The following ALMS1 variants were observed in gnomAD, a reference collection of about 807,000 sequenced individuals.
ALMS1 encodes the protein centrosome-associated protein ALMS1.
A neutral mutation model predicts 352.2 loss-of-function variants in ALMS1; 271 were observed. The ratio of observed to expected loss-of-function variants is 0.77; its 90% CI spans 0.70 to 0.85. The LOEUF is 0.85. Among genes scored for constraint, ALMS1 ranks in the 40% least tolerant of loss-of-function variants. ALMS1 has a pLI of 0.00. For synonymous variants in ALMS1, 1,865 were observed against 1,761.2 expected, an observed-to-expected ratio of 1.06 and a Z score of -1.48; for missense variants, 5,445 against 4,870.7, an observed-to-expected ratio of 1.12 and a Z score of -3.51.
chr2:73,397,682 G>A (rs927304900), intron 1 of ALMS1, among the ~76,000 whole-genome samples: 2 of 152,124 alleles, frequency 1.3e-5, no homozygotes, highest in African/African-American at 2.4e-5. Flanking sequence ...ATGTTAGGCT[G>A]GTCTCGATCT....
intron 11 of ALMS1, among the ~76,000 whole-genome samples, chr2:73,532,631 C>T (rs1398496175): frequency 1.3e-5 from 2 of 151,884 alleles, no homozygotes; most frequent in African/African-American, 4.8e-5. Context: ...GGGCAATGGC[C>T]TCCCTTCTGG....
At chr2:73,560,938 C>G (rs568443326) in intron 15 of ALMS1, among the ~76,000 whole-genome samples, 48 of 152,308 alleles carry the variant, frequency 3.2e-4, no homozygotes, top group Non-Finnish European at 5.7e-4. Context: ...AGACTCACGT[C>G]CAAAGGCTGG....
At chr2:73,464,262 T>A (rs1672275570) in intron 9 of ALMS1, among the ~76,000 whole-genome samples, 1 of 152,222 alleles carries the variant, frequency 6.6e-6, no homozygotes, top group Admixed American at 6.5e-5. Flanking sequence ...CAAGTGGGCT[T>A]CATCCCTGGG....
intron 3 of ALMS1, 124 bp from the exon 4 acceptor site, chr2:73,422,733 T>C: frequency 1.2e-6 from 1 of 816,294 alleles, no homozygotes; most frequent in Admixed American, 1.9e-5. Flanking sequence ...GCTTTTATAT[T>C]ATTATTCTAA....
chr2:73,437,976 T>C (rs1671638766), intron 7 of ALMS1, among the ~76,000 whole-genome samples: 1 of 152,222 alleles, frequency 6.6e-6, no homozygotes, highest in Non-Finnish European at 1.5e-5. Flanking sequence ...CTTTTCTTGC[T>C]ACTACAAGCC....
chr2:73,598,194 A>C (rs1476825037), intron 16 of ALMS1, among the ~76,000 whole-genome samples: 1 of 152,174 alleles, frequency 6.6e-6, no homozygotes, highest in Non-Finnish European at 1.5e-5. Flanking sequence ...AGATGCTATT[A>C]AATGTTTTGG....
chr2:73,405,130 TCTCTAA>T (rs571910129), intron 1 of ALMS1, among the ~76,000 whole-genome samples: 3 of 152,028 alleles, frequency 2.0e-5, no homozygotes, highest in Admixed American at 2.0e-4. Context: ...CCCAGGCTGG[TCTCTAA>T]CTCCTGAGCT....
intron 7 of ALMS1, among the ~76,000 whole-genome samples, chr2:73,432,845 A>G (rs1277125300): frequency 7.2e-5 from 11 of 152,184 alleles, no homozygotes; most frequent in Admixed American, 5.9e-4. Context: ...CGCATTCTAC[A>G]TGGCAGTGTT....
Position 73,601,275 on chromosome 2 carries a change from A to G in ALMS1, c.11953A>G (p.Ile3985Val), listed in dbSNP as rs201728850. The change falls in exon 19 of 23, where the codon ATC (isoleucine) becomes GTC (valine). Residue 3985 changes from isoleucine (I) to valine (V), a missense_variant. Physicochemically the swap from Ile to Val is conservative, Grantham distance 29. Coordinates refer to ENST00000613296, the MANE Select transcript of ALMS1 (RefSeq NM_001378454.1). ...ENVPNTCGPG[I>V]SWFEPITKTR... ...CGTGCCTAACACTTGTGGCCCTGGCATCTCCTGGTTTGAACCAATAACCAA... is the reference window on the plus strand; with the variant it reads ...CGTGCCTAACACTTGTGGCCCTGGCGTCTCCTGGTTTGAACCAATAACCAA... The G allele has an allele frequency of 1.6e-4, 255 of 1,614,214 alleles. No individual in the cohort carries two copies. The highest frequency in any genetic ancestry group is 1.1e-3 in the Admixed American group (64 of 60,028).
chr2:73,408,408 G>T (rs1435996927), intron 1 of ALMS1, among the ~76,000 whole-genome samples: 2 of 152,192 alleles, frequency 1.3e-5, no homozygotes, highest in African/African-American at 4.8e-5. Context: ...GGTAAAGGAG[G>T]TTAAGGAACT....
intron 10 of ALMS1, among the ~76,000 whole-genome samples, chr2:73,495,485 C>T (rs945878696): frequency 1.3e-5 from 2 of 152,140 alleles, no homozygotes; most frequent in African/African-American, 4.8e-5. Context: ...ATCTGCCCAC[C>T]TCGGCCTCCC....
chr2:73,526,043 C>T (rs978211218), intron 11 of ALMS1, among the ~76,000 whole-genome samples: 9 of 152,078 alleles, frequency 5.9e-5, no homozygotes, highest in Non-Finnish European at 1.2e-4. Context: ...CGTCTTTTTC[C>T]CAGTGTATGT....
chr2:73,478,859 G>A lies in ALMS1; in HGVS notation c.7675-10775G>A, dbSNP rs554120746. On this transcript the variant is annotated intron_variant, in intron 9 of 22. Transcript: ENST00000613296. ...CCCTTGCCCCTGACCCCACCGACAG[G>A]CCCCGGTGTGTGATGTTCCCCTCCC... is the stretch of plus-strand genomic sequence containing the variant. 7.2e-5 allele frequency among the ~76,000 whole-genome samples: 11 copies of A among 151,974 alleles called. No homozygotes were observed. The East Asian group carries it at 1.9e-3, about 27-fold the overall frequency.
intron 12 of ALMS1, among the ~76,000 whole-genome samples, chr2:73,548,208 A>T (rs1223358522): frequency 1.3e-5 from 2 of 152,214 alleles, no homozygotes; most frequent in East Asian, 3.8e-4. Context: ...AGGTGGCATT[A>T]TTCACATTAT....
rs547747608 is a variant in ALMS1 at position 73,461,381 on chromosome 2, C to G, written c.7674+6086C>G. On this transcript the variant is annotated intron_variant, in intron 9 of 22. Transcript: ENST00000613296. Reference sequence around the variant, plus strand: ...GACCTCTAGCAAACTCCCAACAGACCTGCAGCTGAGGGTCCTGTCTGTTAG... The same window carrying G: ...GACCTCTAGCAAACTCCCAACAGACGTGCAGCTGAGGGTCCTGTCTGTTAG... 2.6e-5 allele frequency among the ~76,000 whole-genome samples: 4 copies of G among 152,338 alleles called. No homozygotes were observed. The East Asian group carries it at 5.8e-4, about 22-fold the overall frequency.
intron 9 of ALMS1, among the ~76,000 whole-genome samples, chr2:73,479,316 C>A (rs1257906593): frequency 6.6e-6 from 1 of 152,128 alleles, no homozygotes; most frequent in Non-Finnish European, 1.5e-5. Context: ...AGATACTGAA[C>A]ATTTACATCA....
intron 15 of ALMS1, among the ~76,000 whole-genome samples, chr2:73,564,666 C>G (rs1355402954): frequency 6.6e-6 from 1 of 152,018 alleles, no homozygotes; most frequent in African/African-American, 2.4e-5. Flanking sequence ...ACAAATGGGA[C>G]CATTAAGTTG....
chr2:73,500,197 G>A (rs988899846), intron 10 of ALMS1, among the ~76,000 whole-genome samples: 2 of 152,160 alleles, frequency 1.3e-5, no homozygotes, highest in African/African-American at 4.8e-5. Flanking sequence ...AGAGAATGTT[G>A]ATGTTTTTGT....
At chr2:73,417,790 A>G (rs1325523113) in intron 2 of ALMS1, among the ~76,000 whole-genome samples, 1 of 152,232 alleles carries the variant, frequency 6.6e-6, no homozygotes, top group Non-Finnish European at 1.5e-5. Flanking sequence ...AAATACTTTC[A>G]TATCATGATA....
Sources: allele counts gnomAD v4.1 joint callset (sites outside exome capture counted in the v4.1 genomes callset), GRCh38; gene constraint gnomAD v4.1.1; transcripts MANE v1.5; gene names NCBI Gene and HGNC (gene_info 2026-07-23, HGNC 2026-07-21).